The following TTF2 variants were observed in gnomAD, a reference collection of about 807,000 sequenced individuals.
TTF2 encodes transcription termination factor 2, also known as RNA polymerase II termination factor.
A neutral mutation model predicts 142.4 loss-of-function variants in TTF2; 108 were observed. That is an observed-to-expected ratio of 0.76 (90% CI 0.65 to 0.89). The LOEUF is 0.89. Among genes scored for constraint, TTF2 ranks in the 40% least tolerant of loss-of-function variants. TTF2 has a pLI of 0.00. For synonymous variants in TTF2, 483 were observed against 506.2 expected, an observed-to-expected ratio of 0.95 and a Z score of 0.61; for missense variants, 1,327 against 1,379.8, an observed-to-expected ratio of 0.96 and a Z score of 0.61.
Position 117,076,597 on chromosome 1 carries a change from A to AT in TTF2, c.1391-44_1391-43insT, listed in dbSNP as rs1657025362. ...CTCCACACATATGGTCCCTTCACTT[A>AT]GTTTGCTGAACTTTAATCTGCTCTT... is the stretch of plus-strand genomic sequence containing the variant. On this transcript the variant is annotated intron_variant, in intron 6 of 22. Transcript: ENST00000369466. The surrounding 1 kb of genome is among the most constrained non-coding windows in gnomAD (Gnocchi z 4.6). 6.4e-7 allele frequency: 1 copy of AT among 1,563,558 alleles called. No homozygotes were observed. Among genetic ancestry groups the AT allele is most frequent in the Admixed American group, 1.8e-5 (1 of 56,012 alleles).
chr1:117,078,091 G>A (rs1395060062), intron 8 of TTF2, 48 bp downstream of exon 8: 12 of 1,589,304 alleles, frequency 7.6e-6, no homozygotes, highest in Non-Finnish European at 1.0e-5. Context: ...CAGTGCTCCA[G>A]CAGCCCCATG....
rs377318217 is a variant in TTF2 at position 117,064,730 on chromosome 1, G to A, written c.218+2257G>A. ...AACGGAGTTTCACCATGTTGCCCAG[G>A]CTGGTCCCGAACTCCTGAGCTCAGG... On this transcript the variant is annotated intron_variant, in intron 3 of 22. Transcript: ENST00000369466. 7.9e-5 allele frequency among the ~76,000 whole-genome samples: 12 copies of A among 151,772 alleles called. No homozygotes were observed. In the East Asian group the frequency reaches 1.5e-3, roughly 20 times the overall value.
Position 117,096,159 on chromosome 1 carries a change from T to C in TTF2, c.3046T>C (p.Ser1016Pro), listed in dbSNP as rs893350599. The C allele has an allele frequency of 3.7e-6, 6 of 1,614,002 alleles. No homozygotes were observed. In the Admixed American group the frequency reaches 5.0e-5, roughly 13 times the overall value. Residue 1016 changes from serine (S) to proline (P), a missense_variant, in exon 20 of 23, where the codon TCT becomes CCT. Transcript: ENST00000369466. ...TATTCTTCTTTCCAGTGTCATTGTCTCTCAGTGGACCAACATGCTGAAAGT... is the reference window on the plus strand; with the variant it reads ...TATTCTTCTTTCCAGTGTCATTGTCCCTCAGTGGACCAACATGCTGAAAGT... ...NSASQKSVIV[S>P]QWTNMLKVVA...
chr1:117,091,289 C>A, intron 15 of TTF2, 39 bp from the exon 16 acceptor site: 1 of 1,567,702 alleles, frequency 6.4e-7, no homozygotes, highest in Non-Finnish European at 8.7e-7. Flanking sequence ...TCTTAGTGAC[C>A]ATTATACATG....
intron 8 of TTF2, 106 bp downstream of exon 8, chr1:117,078,149 T>A (rs1310200826): frequency 1.4e-6 from 2 of 1,429,000 alleles, no homozygotes; most frequent in Non-Finnish European, 9.4e-7. Flanking sequence ...TACAGACAGA[T>A]GCTTAAATGG....
At position 117,097,352 on chromosome 1, in the gene TTF2, T is replaced by G. The variant is rs1649238067; in HGVS notation, c.3188T>G (p.Val1063Gly). 8.7e-6 allele frequency: 14 copies of G among 1,614,170 alleles called. No homozygotes were observed. The highest frequency in any genetic ancestry group is 1.0e-5 in the Non-Finnish European group (12 of 1,179,974). ...TTAATGTTGTGTTTCCTTTTGAAGG[T>G]AATGCTAATCTCTCTCTTGGCCGGA... The part of the protein sequence containing the change: ...EAFNHSRGPQ[V>G]MLISLLAGGV... Residue 1063 changes from valine (V) to glycine (G), a missense_variant and splice_region_variant, in exon 21 of 23, where the codon GTA becomes GGA. Coordinates refer to ENST00000369466, the MANE Select transcript of TTF2 (RefSeq NM_003594.4). This position sits in a 1 kb window ranked among gnomAD's most constrained non-coding sequence, Gnocchi z 4.1.
intron 3 of TTF2, among the ~76,000 whole-genome samples, chr1:117,067,613 C>A: frequency 7.1e-6 from 1 of 141,290 alleles, no homozygotes; most frequent in African/African-American, 2.6e-5. Context: ...AAAACAATAA[C>A]AACAGAAAAC....
chr1:117,083,834 G>A (rs1647762621), intron 10 of TTF2, among the ~76,000 whole-genome samples, 184 bp from the exon 11 acceptor site: 1 of 152,176 alleles, frequency 6.6e-6, no homozygotes, highest in South Asian at 2.1e-4. Context: ...TTAAAGGCCG[G>A]TCAAACACGA....
At chr1:117,065,380 C>T (rs532118063) in intron 3 of TTF2, among the ~76,000 whole-genome samples, 3 of 152,144 alleles carry the variant, frequency 2.0e-5, no homozygotes, top group East Asian at 1.9e-4. Flanking sequence ...GGGCGGATCA[C>T]GAGGTCAGGA....
Position 117,087,190 on chromosome 1 carries a change from A to C in TTF2, c.2160+668A>C, listed in dbSNP as rs1648092068. ...GATCTCTAGAACATTTCTCCAGCTT[A>C]TAACCAACTCTGACTTATAGATGAT... is the stretch of plus-strand genomic sequence containing the variant. On this transcript the variant is annotated intron_variant, in intron 12 of 22. Coordinates refer to ENST00000369466, the MANE Select transcript of TTF2 (RefSeq NM_003594.4). This position sits in a 1 kb window ranked among gnomAD's most constrained non-coding sequence, Gnocchi z 4.8. 6.6e-6 allele frequency among the ~76,000 whole-genome samples: 1 copy of C among 152,250 alleles called. No individual in the cohort carries two copies. The highest frequency in any genetic ancestry group is 1.5e-5 in the Non-Finnish European group (1 of 68,038).
rs1348188545 is a variant in TTF2 at position 117,079,070 on chromosome 1, T to A, written c.1702-498T>A. 6.6e-6 allele frequency among the ~76,000 whole-genome samples: 1 copy of A among 151,978 alleles called. No individual in the cohort carries two copies. The highest frequency in any genetic ancestry group is 1.5e-5 in the Non-Finnish European group (1 of 67,988). ...GCCTGGCCAACATGGTGAAACCCCA[T>A]CTCTACTAAAAATAAGAAAATTAGC... is the stretch of plus-strand genomic sequence containing the variant. On this transcript the variant is annotated intron_variant, in intron 8 of 22. Transcript: ENST00000369466. The surrounding 1 kb of genome is among the most constrained non-coding windows in gnomAD (Gnocchi z 4.2).
chr1:117,090,732 G>T lies in TTF2; in HGVS notation c.2588+109G>T. On this transcript the variant is annotated intron_variant, in intron 15 of 22. Coordinates refer to ENST00000369466, the MANE Select transcript of TTF2 (RefSeq NM_003594.4). This position sits in a 1 kb window ranked among gnomAD's most constrained non-coding sequence, Gnocchi z 4.8. ...ACAAACTTTATGGCATTATTGATTA[G>T]TTGGATGTCTGTATTCCCTTTTTTT... 2.3e-6 allele frequency: 2 copies of T among 873,712 alleles called. No individual in the cohort carries two copies. The highest frequency in any genetic ancestry group is 3.6e-6 in the Non-Finnish European group (2 of 561,698). The allele number at this position is 873,712 out of a possible 1,614,324, so 54.1% of individuals were successfully genotyped here.
Position 117,075,941 on chromosome 1 carries a change from G to C in TTF2, c.1275+82G>C. On this transcript the variant is annotated intron_variant, in intron 5 of 22. Transcript: ENST00000369466. This position sits in a 1 kb window ranked among gnomAD's most constrained non-coding sequence, Gnocchi z 4.5. ...ATATGAGATCTCATTGCTACAGAAGGGTTAAATATGTTCATGTGAAGGTTT... is the reference window on the plus strand; with the variant it reads ...ATATGAGATCTCATTGCTACAGAAGCGTTAAATATGTTCATGTGAAGGTTT... The C allele has an allele frequency of 6.7e-7, 1 of 1,503,064 alleles. No homozygotes were observed. Among genetic ancestry groups the C allele is most frequent in the South Asian group, 1.4e-5 (1 of 73,740 alleles). The allele number at this position is 1,503,064 out of a possible 1,614,324, so 93.1% of individuals were successfully genotyped here.
At chr1:117,071,565 T>A (rs79512982) in intron 3 of TTF2, among the ~76,000 whole-genome samples, 8,648 of 152,220 alleles carry the variant, frequency 0.057, 338 homozygotes, top group East Asian at 0.12. Flanking sequence ...AGATAGGGTA[T>A]GAGGGGGCTT....
At chr1:117,062,508 C>CTT (rs35553508) in intron 3 of TTF2, 35 bp downstream of exon 3, 3,137 of 1,274,840 alleles carry the variant, frequency 2.5e-3, no homozygotes, top group South Asian at 3.2e-3. Context: ...AGTGTATTTG[C>CTT]TTTTTTTTTT....
intron 4 of TTF2, 56 bp from the exon 5 acceptor site, chr1:117,074,814 C>G: frequency 1.4e-6 from 2 of 1,440,844 alleles, no homozygotes. Flanking sequence ...GAAAGGCATT[C>G]TAGATACGAA....
At position 117,076,093 on chromosome 1, in the gene TTF2, G is replaced by T; in HGVS notation, c.1276-87G>T. On this transcript the variant is annotated intron_variant, in intron 5 of 22. Transcript: ENST00000369466. The surrounding 1 kb of genome is among the most constrained non-coding windows in gnomAD (Gnocchi z 4.6). ...ATATTTAAAAGACCATAATTTCAGAGTTTGGGTGTTTCAGGCTATTTTAAT... is the reference window on the plus strand; with the variant it reads ...ATATTTAAAAGACCATAATTTCAGATTTTGGGTGTTTCAGGCTATTTTAAT... The T allele has an allele frequency of 7.2e-7, 1 of 1,383,882 alleles. No homozygotes were observed. The highest frequency in any genetic ancestry group is 1.3e-5 in the South Asian group (1 of 75,002). The allele number at this position is 1,383,882 out of a possible 1,614,324, so 85.7% of individuals were successfully genotyped here.
chr1:117,062,111 G>A (rs966336745), intron 2 of TTF2, among the ~76,000 whole-genome samples: 5 of 152,146 alleles, frequency 3.3e-5, no homozygotes, highest in African/African-American at 1.2e-4. Flanking sequence ...ATTCGTAGGG[G>A]GATCCCAGTG....
In TTF2 at chr1:117,102,453, CAG is replaced by C. The variant is rs1478022918; in HGVS notation, c.*930_*931del. 1 of 152,162 alleles carries C rather than the reference CAG, an allele frequency of 6.6e-6. No homozygotes were observed. Among genetic ancestry groups the C allele is most frequent in the African/African-American group, 2.4e-5 (1 of 41,442 alleles). 9.4% of individuals were successfully genotyped at this position (152,162 alleles called of 1,614,324 possible). A position where few individuals can be genotyped will look rare whatever the true frequency, so the allele number is the denominator to read the frequency against. On this transcript the variant is annotated 3_prime_UTR_variant, in exon 23 of 23. Coordinates refer to ENST00000369466, the MANE Select transcript of TTF2 (RefSeq NM_003594.4). The stretch of plus-strand genomic sequence containing the variant: ...CTGTTATCATTGTATTGTTTAGTGT[CAG>C]TGTATCATTTAGTATTTGTATCACT...
Sources: allele counts gnomAD v4.1 joint callset (sites outside exome capture counted in the v4.1 genomes callset), GRCh38; gene constraint gnomAD v4.1.1; non-coding constraint Gnocchi (gnomAD v3.1); transcripts MANE v1.5; gene names NCBI Gene and HGNC (gene_info 2026-07-23, HGNC 2026-07-21).